STK38: variants seen among roughly 807,000 people sequenced by gnomAD.
STK38 encodes serine/threonine-protein kinase 38.
A neutral mutation model predicts 59.0 loss-of-function variants in STK38; 26 were observed. The observed-to-expected ratio is 0.44, with a 90% CI of 0.32 to 0.61. STK38 has a LOEUF of 0.61. Among genes scored for constraint, STK38 ranks in the 20% least tolerant of loss-of-function variants. STK38 has a pLI of 0.04. For synonymous variants in STK38, 175 were observed against 176.6 expected (o/e 0.99, Z 0.07); for missense variants, 433 against 566.0 (o/e 0.76, Z 2.38).
At chr6:36,543,860 C>T (rs1168212624) in intron 1 of STK38, among the ~76,000 whole-genome samples, 3 of 152,022 alleles carry the variant, frequency 2.0e-5, no homozygotes, top group African/African-American at 7.2e-5. Context: ...TCTTGAACTC[C>T]TGACCTCAGA....
At position 36,524,321 on chromosome 6, in the gene STK38, C is replaced by T; in HGVS notation, c.306+20G>A. 6.3e-7 allele frequency: 1 copy of T among 1,592,558 alleles called. No homozygotes were observed. The highest frequency in any genetic ancestry group is 8.5e-7 in the Non-Finnish European group (1 of 1,173,874). On this transcript the variant is annotated intron_variant, in intron 4 of 13. Coordinates refer to ENST00000229812, the MANE Select transcript of STK38 (RefSeq NM_007271.4). ...AGTTTTGCAATATTTTTCTACTTGA[C>T]AAGTAGCTGTGATTTTTACCTCACC...
intron 10 of STK38, among the ~76,000 whole-genome samples, chr6:36,499,609 A>C (rs550065623): frequency 1.4e-4 from 21 of 152,336 alleles, no homozygotes; most frequent in Admixed American, 1.4e-3. Context: ...AGTGACTAAA[A>C]GAGCTTCTAG....
At chr6:36,528,286 G>A (rs141147597) in intron 2 of STK38, among the ~76,000 whole-genome samples, 67 of 152,258 alleles carry the variant, frequency 4.4e-4, no homozygotes, top group African/African-American at 1.4e-3. Context: ...ATTTTAGAAT[G>A]GTAACCAGCA....
chr6:36,514,115 A>C (rs1450506352), intron 7 of STK38, among the ~76,000 whole-genome samples: 1 of 145,296 alleles, frequency 6.9e-6, no homozygotes, highest in African/African-American at 2.6e-5. Flanking sequence ...AGACTGCCCT[A>C]GTGCACTCCA....
At chr6:36,537,137 A>G (rs992933027) in intron 2 of STK38, among the ~76,000 whole-genome samples, 1 of 152,196 alleles carries the variant, frequency 6.6e-6, no homozygotes, top group Non-Finnish European at 1.5e-5. Flanking sequence ...TCACAAAGGA[A>G]GATGCACAAA....
intron 7 of STK38, among the ~76,000 whole-genome samples, chr6:36,513,019 CATTATT>C (rs925261089): frequency 1.2e-4 from 18 of 151,662 alleles, no homozygotes; most frequent in African/African-American, 3.4e-4. Flanking sequence ...CATGTTTATG[CATTATT>C]ATTATTATTT....
At chr6:36,521,444 A>C (rs1777373669) in intron 5 of STK38, among the ~76,000 whole-genome samples, 1 of 152,128 alleles carries the variant, frequency 6.6e-6, no homozygotes, top group South Asian at 2.1e-4. Flanking sequence ...CAAAAAAAAA[A>C]GGCTCTCACA....
rs1777834195 is a variant in STK38, at chr6:36,537,884, AC to A, written c.131+2187del. ...ACTGCACACCAGCCTGGGCAACAAA[AC>A]AACACCCCGTCTCGACAAAAAAAAA... On this transcript the variant is annotated intron_variant, in intron 2 of 13. Coordinates refer to ENST00000229812, the MANE Select transcript of STK38 (RefSeq NM_007271.4). Among the ~76,000 whole-genome samples the A allele has an allele frequency of 2.1e-5, 3 of 145,802 alleles. No homozygotes were observed. The South Asian group carries it at 6.7e-4, about 32-fold the overall frequency.
chr6:36,503,488 C>G (rs1467069727), intron 9 of STK38, among the ~76,000 whole-genome samples: 3 of 151,776 alleles, frequency 2.0e-5, no homozygotes, highest in Non-Finnish European at 4.4e-5. Context: ...CAGATATTAA[C>G]ACAAATGCCA....
chr6:36,519,426 C>A (rs1195289334), intron 5 of STK38, among the ~76,000 whole-genome samples: 1 of 152,176 alleles, frequency 6.6e-6, no homozygotes, highest in Non-Finnish European at 1.5e-5. Context: ...CCTGTCTCCC[C>A]TGGCTCCCAT....
At chr6:36,534,582 G>A (rs1216533705) in intron 2 of STK38, among the ~76,000 whole-genome samples, 15 of 152,014 alleles carry the variant, frequency 9.9e-5, no homozygotes, top group African/African-American at 3.6e-4. Context: ...GAGCCCAGGA[G>A]GTCAAGGCTG....
chr6:36,533,976 A>G (rs200108493), intron 2 of STK38, among the ~76,000 whole-genome samples: 1 of 152,196 alleles, frequency 6.6e-6, no homozygotes, highest in African/African-American at 2.4e-5. Flanking sequence ...CACATACAGA[A>G]CTGCATATTT....
chr6:36,509,739 G>A (rs1203154132), intron 7 of STK38, among the ~76,000 whole-genome samples: 1 of 152,120 alleles, frequency 6.6e-6, no homozygotes, highest in Non-Finnish European at 1.5e-5. Context: ...AACTCTTTCT[G>A]TAGGCAGTCC....
chr6:36,505,259 C>T (rs561837704), intron 9 of STK38, among the ~76,000 whole-genome samples: 1 of 152,306 alleles, frequency 6.6e-6, no homozygotes, highest in African/African-American at 2.4e-5. Context: ...AAGCATCTGA[C>T]CAAATTTGTT....
chr6:36,522,964 A>G (rs530809551), intron 4 of STK38, among the ~76,000 whole-genome samples: 4 of 152,056 alleles, frequency 2.6e-5, no homozygotes, highest in South Asian at 2.1e-4. Context: ...CAATGTTCTT[A>G]AAGAAAACAG....
Position 36,517,652 on chromosome 6 carries a change from G to A in STK38, c.514+65C>T, listed in dbSNP as rs560866508. 87 of 1,585,160 alleles carry A rather than the reference G, an allele frequency of 5.5e-5. No individual in the cohort carries two copies. The East Asian group carries it at 1.3e-3, about 24-fold the overall frequency. ...TTAAAAGTAGAAAGGAGGGTTAATC[G>A]TGATGTGAGAGAAAGAAACCACAGA... On this transcript the variant is annotated intron_variant, in intron 6 of 13. Coordinates refer to ENST00000229812, the MANE Select transcript of STK38 (RefSeq NM_007271.4).
chr6:36,522,033 C>T (rs911249796), intron 4 of STK38, among the ~76,000 whole-genome samples: 2 of 152,202 alleles, frequency 1.3e-5, no homozygotes, highest in East Asian at 1.9e-4. Flanking sequence ...AATACCTCTA[C>T]ATCTGAACAG....
intron 7 of STK38, among the ~76,000 whole-genome samples, chr6:36,507,930 A>ATTTTTT (rs35789250): frequency 2.0e-4 from 23 of 113,240 alleles, no homozygotes; most frequent in Admixed American, 4.2e-4. Flanking sequence ...GGTATTCAGA[A>ATTTTTT]TTTTTTTTTT....
chr6:36,501,462 A>T (rs1388429121), intron 9 of STK38, among the ~76,000 whole-genome samples: 1 of 152,148 alleles, frequency 6.6e-6, no homozygotes, highest in Admixed American at 6.5e-5. Context: ...TATTACAAAC[A>T]TACAGAAAAA....
Sources: allele counts gnomAD v4.1 joint callset (sites outside exome capture counted in the v4.1 genomes callset), GRCh38; gene constraint gnomAD v4.1.1; transcripts MANE v1.5; gene names NCBI Gene and HGNC (gene_info 2026-07-23, HGNC 2026-07-21).